The following SLC24A5 variants were observed in gnomAD, a reference collection of about 807,000 sequenced individuals.
SLC24A5 encodes sodium/potassium/calcium exchanger 5.
SLC24A5 carries 46 observed loss-of-function variants against 51.6 expected under a neutral mutation model. The ratio of observed to expected loss-of-function variants is 0.89; its 90% CI spans 0.70 to 1.14. SLC24A5 has a LOEUF of 1.14. SLC24A5 is among the 50% of genes most tolerant of loss of function. The pLI is 0.00. For synonymous variants in SLC24A5, 230 were observed against 214.9 expected, an observed-to-expected ratio of 1.07 and a Z score of -0.62; for missense variants, 581 against 604.1, an observed-to-expected ratio of 0.96 and a Z score of 0.40.
intron 2 of SLC24A5, among the ~76,000 whole-genome samples, chr15:48,128,927 A>G (rs373656040): frequency 3.3e-5 from 5 of 152,294 alleles, no homozygotes; most frequent in Non-Finnish European, 5.9e-5. Context: ...CTTGGTGTCA[A>G]AAAGATCTAG....
At chr15:48,125,579 A>C (rs1313454408) in intron 2 of SLC24A5, among the ~76,000 whole-genome samples, 3 of 152,174 alleles carry the variant, frequency 2.0e-5, no homozygotes, top group Middle Eastern at 3.2e-3. Flanking sequence ...TCCTCTCGAG[A>C]GCACTGAAAA....
chr15:48,136,931 TAA>T lies in SLC24A5; in HGVS notation c.840_841del (p.Ile280MetfsTer6). On this transcript the variant is annotated frameshift_variant, in exon 6 of 9. Transcript: ENST00000341459. LOFTEE classifies it high-confidence loss of function. Reference sequence around the variant, plus strand: ...GATTCTGGCTACTCTCAGCTCTCTATAAGTTTACATGGCCTTAGTCAGGTTTC... The same window carrying T: ...GATTCTGGCTACTCTCAGCTCTCTATGTTTACATGGCCTTAGTCAGGTTTC... The T allele has an allele frequency of 3.7e-6, 6 of 1,613,452 alleles. No individual in the cohort carries two copies. The highest frequency in any genetic ancestry group is 4.2e-6 in the Non-Finnish European group (5 of 1,179,484).
intron 5 of SLC24A5, chr15:48,135,369 G>A (rs925869324): frequency 1.3e-5 from 2 of 157,538 alleles, no homozygotes; most frequent in African/African-American, 4.8e-5. Flanking sequence ...CAAAAGACTG[G>A]AGAAGGATGG....
rs977961043 is a variant in SLC24A5 at position 48,142,561 on chromosome 15, A to G, written c.*210A>G. On this transcript the variant is annotated 3_prime_UTR_variant, in exon 9 of 9. Coordinates refer to ENST00000341459, the MANE Select transcript of SLC24A5 (RefSeq NM_205850.3). ...TATTATAAAACAGAAGTTTGGGGGG[A>G]AAAAATCTATGTTTTACCATACAAT... is the stretch of plus-strand genomic sequence containing the variant. 2 of 480,288 alleles carry G rather than the reference A, an allele frequency of 4.2e-6. No homozygotes were observed. Among genetic ancestry groups the G allele is most frequent in the Non-Finnish European group, 3.6e-6 (1 of 281,182 alleles). The allele number at this position is 480,288 out of a possible 1,614,324, so 29.8% of individuals were successfully genotyped here. A position where few individuals can be genotyped will look rare whatever the true frequency, so the allele number is the denominator to read the frequency against.
intron 2 of SLC24A5, chr15:48,123,548 G>A (rs2140706242): frequency 6.6e-6 from 1 of 152,040 alleles, no homozygotes; most frequent in South Asian, 2.1e-4. Context: ...TAAATGATTT[G>A]AGCGTCTGAC....
intron 4 of SLC24A5, 125 bp downstream of exon 4, chr15:48,134,663 AAAC>A: frequency 3.9e-6 from 3 of 760,016 alleles, no homozygotes; most frequent in Admixed American, 2.7e-5. Context: ...ATCAGTAGAA[AAAC>A]AACATGTATT....
At chr15:48,128,499 A>C (rs556345646) in intron 2 of SLC24A5, among the ~76,000 whole-genome samples, 5 of 152,208 alleles carry the variant, frequency 3.3e-5, no homozygotes, top group Non-Finnish European at 7.4e-5. Context: ...ATAAGAAAGA[A>C]ATGCAAGTTT....
chr15:48,127,647 C>A (rs1388514994), intron 2 of SLC24A5, among the ~76,000 whole-genome samples: 1 of 152,032 alleles, frequency 6.6e-6, no homozygotes, highest in Non-Finnish European at 1.5e-5. Flanking sequence ...GGTAAAACCC[C>A]ATTTCTACAA....
At chr15:48,135,759 G>C (rs1293242589) in intron 5 of SLC24A5, 1 of 151,776 alleles carries the variant, frequency 6.6e-6, no homozygotes, top group African/African-American at 2.4e-5. Context: ...TAACCTTGCA[G>C]CACGGCGTAA....
At chr15:48,121,371 T>A (rs867134397) in intron 1 of SLC24A5, among the ~76,000 whole-genome samples, 1 of 152,208 alleles carries the variant, frequency 6.6e-6, no homozygotes, top group Non-Finnish European at 1.5e-5. Flanking sequence ...ACAGAGATCA[T>A]AGTAGGCCAA....
chr15:48,140,837 T>C (rs1418769470), intron 7 of SLC24A5: 1 of 327,874 alleles, frequency 3.0e-6, no homozygotes, highest in East Asian at 6.8e-5. Context: ...ACATCTTTTG[T>C]AAGAATATCA....
intron 2 of SLC24A5, chr15:48,122,704 G>T (rs550643847): frequency 1.5e-3 from 232 of 152,696 alleles, no homozygotes; most frequent in Middle Eastern, 0.01. Context: ...AGTATATGTT[G>T]CCCAGAATTC....
rs2038977728 is a variant in SLC24A5 at position 48,139,133 on chromosome 15, TC to T, written c.1038del (p.Ala347HisfsTer12). ...ITFFMSAIWI[S>X]AFTYILVWMV... The stretch of plus-strand genomic sequence containing the variant: ...CTTTTTCATGTCTGCAATATGGATA[TC>T]CGCATTTACATATATCCTGGTTTGG... On this transcript the variant is annotated frameshift_variant, in exon 7 of 9. Coordinates refer to ENST00000341459, the MANE Select transcript of SLC24A5 (RefSeq NM_205850.3). LOFTEE classifies it high-confidence loss of function. The T allele has an allele frequency of 6.2e-7, 1 of 1,612,992 alleles. No individual in the cohort carries two copies. The highest frequency in any genetic ancestry group is 2.2e-5 in the East Asian group (1 of 44,756).
chr15:48,123,723 C>CA (rs1260317147), intron 2 of SLC24A5: 1 of 152,086 alleles, frequency 6.6e-6, no homozygotes, highest in Non-Finnish European at 1.5e-5. Flanking sequence ...GATTAAGAGG[C>CA]AGAGATGTGG....
intron 8 of SLC24A5, chr15:48,141,422 C>A: frequency 2.9e-6 from 1 of 350,250 alleles, no homozygotes; most frequent in Non-Finnish European, 5.4e-6. Flanking sequence ...ACTAAAAATA[C>A]AAAAATTAGC....
At chr15:48,141,300 C>A in intron 8 of SLC24A5, 86 bp downstream of exon 8, 2 of 1,139,092 alleles carry the variant, frequency 1.8e-6, no homozygotes, top group Non-Finnish European at 2.6e-6. Flanking sequence ...TACTTCCAGC[C>A]GGGTGTGGTG....
chr15:48,126,063 G>C (rs1000360818), intron 2 of SLC24A5, among the ~76,000 whole-genome samples: 4 of 152,158 alleles, frequency 2.6e-5, no homozygotes, highest in Non-Finnish European at 5.9e-5. Context: ...CAGGGCCCCC[G>C]CTCGGTCAAA....
Position 48,122,415 on chromosome 15 carries a change from T to A in SLC24A5, c.301+379T>A, listed in dbSNP as rs1286129171. 1.9e-5 allele frequency: 6 copies of A among 324,192 alleles called. No individual in the cohort carries two copies. The East Asian group carries it at 2.7e-4, about 15-fold the overall frequency. The allele number at this position is 324,192 out of a possible 1,614,324, so 20.1% of individuals were successfully genotyped here. A position where few individuals can be genotyped will look rare whatever the true frequency, so the allele number is the denominator to read the frequency against. Reference sequence around the variant, plus strand: ...TTTTATGCTTCAAAAAACTTTTTTTTATTTTTACTCTAAGCTCGCTATAAC... The same window carrying A: ...TTTTATGCTTCAAAAAACTTTTTTTAATTTTTACTCTAAGCTCGCTATAAC... On this transcript the variant is annotated intron_variant, in intron 2 of 8. Transcript: ENST00000341459.
At chr15:48,139,612 T>G (rs192753244) in intron 7 of SLC24A5, 10 of 153,680 alleles carry the variant, frequency 6.5e-5, no homozygotes, top group African/African-American at 2.4e-4. Flanking sequence ...TGGATTGTAT[T>G]TTATTTGGCT....
Sources: gnomAD v4.1 joint callset for allele counts (sites outside exome capture counted in the v4.1 genomes callset) on GRCh38, gnomAD v4.1.1 for gene constraint, MANE v1.5 for transcripts, NCBI Gene and HGNC (gene_info 2026-07-23, HGNC 2026-07-21) for gene names.